The following LRMDA variants were observed in gnomAD, a reference collection of about 807,000 sequenced individuals.
LRMDA encodes the protein leucine rich melanocyte differentiation associated, also known as leucine-rich melanocyte differentiation-associated protein.
In LRMDA, 18 loss-of-function variants were observed where a neutral mutation model predicts 29.8. That is an observed-to-expected ratio of 0.60 (90% CI 0.42 to 0.90). The LOEUF is 0.90. Among genes scored for constraint, LRMDA ranks in the 40% least tolerant of loss-of-function variants. The probability of loss-of-function intolerance (pLI) is 0.00; values close to 1 mark genes in which losing one functional copy is unlikely to be tolerated. For synonymous variants in LRMDA, 125 were observed against 109.4 expected (o/e 1.14, Z -0.89); for missense variants, 273 against 273.9 (o/e 1.00, Z 0.02).
rs115768016 is a variant in LRMDA at position 75,792,575 on chromosome 10, T to C, written c.132-243433T>C. On this transcript the variant is annotated intron_variant, in intron 2 of 6. Transcript: ENST00000611255. The stretch of plus-strand genomic sequence containing the variant: ...ACCGTGCCTGGCTGGTGTATTTTTT[T>C]AACCATTGAACACCTTACATTCCCA... Among the ~76,000 whole-genome samples, 543 of 152,284 alleles carry C rather than the reference T, an allele frequency of 3.6e-3. 6 individuals carry two copies. Among genetic ancestry groups the C allele is most frequent in the African/African-American group, 0.012 (508 of 41,558 alleles).
At chr10:75,582,020 G>A (rs61862537) in intron 2 of LRMDA, among the ~76,000 whole-genome samples, 10,656 of 152,294 alleles carry the variant, frequency 0.07, 504 homozygotes, top group Non-Finnish European at 0.11. Context: ...GGGCTCCCAA[G>A]GTCTTGGGCA....
chr10:75,918,153 G>A (rs937382952), intron 2 of LRMDA, among the ~76,000 whole-genome samples: 1 of 152,172 alleles, frequency 6.6e-6, no homozygotes, highest in Non-Finnish European at 1.5e-5. Flanking sequence ...GCAGTGTCAC[G>A]GCTCACTGGG....
chr10:76,473,154 C>T (rs2637272), intron 6 of LRMDA, among the ~76,000 whole-genome samples: 143,116 of 151,542 alleles, frequency 0.94, 68,064 homozygotes, highest in Non-Finnish European at 0.99. Flanking sequence ...ACAAATATTA[C>T]ACACAATGAC....
intron 5 of LRMDA, among the ~76,000 whole-genome samples, chr10:76,231,228 G>T (rs943668347): frequency 1.3e-5 from 2 of 152,192 alleles, no homozygotes; most frequent in Non-Finnish European, 2.9e-5. Context: ...TTATATTTGA[G>T]ATTAAGGAGG....
At chr10:76,352,277 G>A (rs893414260) in intron 6 of LRMDA, among the ~76,000 whole-genome samples, 3 of 152,038 alleles carry the variant, frequency 2.0e-5, no homozygotes, top group African/African-American at 7.2e-5. Context: ...GTAAAGTTTA[G>A]TATAATTATT....
Position 75,792,127 on chromosome 10 carries a change from C to T in LRMDA, c.132-243881C>T, listed in dbSNP as rs928921526. On this transcript the variant is annotated intron_variant, in intron 2 of 6. Transcript: ENST00000611255. ...CCCGCCTCGGCCTCTCAAAGTGCTG[C>T]GGGCGTGAGCCACCTTGCCCGGCCC... Among the ~76,000 whole-genome samples, 8 of 151,872 alleles carry T rather than the reference C, an allele frequency of 5.3e-5. No homozygotes were observed. The South Asian group carries it at 6.2e-4, about 12-fold the overall frequency.
intron 5 of LRMDA, among the ~76,000 whole-genome samples, chr10:76,263,099 A>G (rs1172446322): frequency 6.6e-6 from 1 of 152,154 alleles, no homozygotes; most frequent in Non-Finnish European, 1.5e-5. Flanking sequence ...TTCAAATGCT[A>G]TTTTTAGAAG....
intron 2 of LRMDA, among the ~76,000 whole-genome samples, chr10:75,954,798 T>C (rs1228098376): frequency 2.0e-5 from 3 of 152,236 alleles, no homozygotes; most frequent in Non-Finnish European, 2.9e-5. Flanking sequence ...GAGAAGATGA[T>C]ATTTTGTGTG....
chr10:75,443,243 G>A (rs968283615), intron 2 of LRMDA, among the ~76,000 whole-genome samples: 2 of 152,050 alleles, frequency 1.3e-5, no homozygotes, highest in South Asian at 2.1e-4. Flanking sequence ...TTACCATACT[G>A]AATGGAAATG....
intron 2 of LRMDA, among the ~76,000 whole-genome samples, chr10:75,985,860 C>T (rs1273670355): frequency 6.6e-6 from 1 of 152,184 alleles, no homozygotes; most frequent in Non-Finnish European, 1.5e-5. Context: ...TGGAGAAGAG[C>T]TGTTGATGTG....
chr10:76,306,931 C>T (rs1053053508), intron 5 of LRMDA, among the ~76,000 whole-genome samples: 5 of 152,174 alleles, frequency 3.3e-5, no homozygotes, highest in Non-Finnish European at 5.9e-5. Flanking sequence ...TATTACTCCT[C>T]ACTTAAACAG....
intron 2 of LRMDA, among the ~76,000 whole-genome samples, chr10:75,583,314 C>G (rs867107047): frequency 3.3e-5 from 5 of 152,154 alleles, no homozygotes; most frequent in African/African-American, 1.2e-4. Flanking sequence ...AATTGGCTCA[C>G]AGTTCTGCAG....
chr10:76,522,810 G>T (rs1436909666), intron 6 of LRMDA, among the ~76,000 whole-genome samples: 1 of 152,136 alleles, frequency 6.6e-6, no homozygotes, highest in African/African-American at 2.4e-5. Context: ...GGACAAGGAT[G>T]GCTCCAGATG....
chr10:76,540,111 GAC>G lies in LRMDA; in HGVS notation c.602-17090_602-17089del, dbSNP rs976718203. Among the ~76,000 whole-genome samples, 4 of 150,320 alleles carry G rather than the reference GAC, an allele frequency of 2.7e-5. No individual in the cohort carries two copies. The East Asian group carries it at 5.8e-4, about 22-fold the overall frequency. On this transcript the variant is annotated intron_variant, in intron 6 of 6. Transcript: ENST00000611255. ...ACAACTTACATAAAGACACACAGAA[GAC>G]ACACACAACACACATACAAACACCT...
intron 2 of LRMDA, chr10:75,552,570 C>G (rs769146403): frequency 4.2e-6 from 2 of 480,588 alleles, no homozygotes; most frequent in African/African-American, 4.0e-5. Flanking sequence ...CCCCTCATCC[C>G]CTACTTGGGA....
intron 2 of LRMDA, among the ~76,000 whole-genome samples, chr10:75,712,992 C>T (rs1589167294): frequency 1.3e-5 from 2 of 152,278 alleles, no homozygotes; most frequent in Admixed American, 1.3e-4. Flanking sequence ...TATTTACCTG[C>T]TCCTTTTGAA....
At position 75,457,726 on chromosome 10, in the gene LRMDA, G is replaced by A. The variant is rs184234563; in HGVS notation, c.131+19232G>A. Among the ~76,000 whole-genome samples the A allele has an allele frequency of 4.6e-5, 7 of 152,224 alleles. No individual in the cohort carries two copies. The East Asian group carries it at 7.7e-4, about 17-fold the overall frequency. On this transcript the variant is annotated intron_variant, in intron 2 of 6. Transcript: ENST00000611255. ...ATGTTTTAGTCCTCTTGCTGCTGCC[G>A]TTTATCTGGACGGCATTTTCCATCA...
At chr10:75,769,475 T>TA (rs1286615566) in intron 2 of LRMDA, among the ~76,000 whole-genome samples, 2 of 152,228 alleles carry the variant, frequency 1.3e-5, no homozygotes, top group Non-Finnish European at 2.9e-5. Context: ...ACTGCTGTGA[T>TA]AGCCATAATT....
chr10:76,231,574 C>G (rs571680826), intron 5 of LRMDA, among the ~76,000 whole-genome samples: 3 of 152,252 alleles, frequency 2.0e-5, no homozygotes, highest in South Asian at 2.1e-4. Flanking sequence ...CATACCTCAT[C>G]GATGTTTTTC....
Sources: allele counts gnomAD v4.1 joint callset (sites outside exome capture counted in the v4.1 genomes callset), GRCh38; gene constraint gnomAD v4.1.1; transcripts MANE v1.5; gene names NCBI Gene and HGNC (gene_info 2026-07-23, HGNC 2026-07-21).